The following SYNE2 variants were observed in gnomAD, a reference collection of about 807,000 sequenced individuals.
SYNE2 encodes the protein nesprin-2.
In SYNE2, 431 loss-of-function variants were observed where a neutral mutation model predicts 856.3. The ratio of observed to expected loss-of-function variants is 0.50; its 90% CI spans 0.47 to 0.55. The LOEUF (loss-of-function observed/expected upper bound fraction) is 0.55. Ranked by LOEUF, SYNE2 falls within the 20% of genes least tolerant of loss-of-function variation. The pLI, the probability that SYNE2 is intolerant of heterozygous loss-of-function variation, is 0.00. For synonymous variants in SYNE2, 2,923 were observed against 2,872.3 expected, an observed-to-expected ratio of 1.02 and a Z score of -0.56; for missense variants, 8,129 against 8,023.2, an observed-to-expected ratio of 1.01 and a Z score of -0.50.
In SYNE2 at chr14:64,053,097, A is replaced by G; in HGVS notation, c.9184A>G (p.Ile3062Val). ...TAAAATGAGAGCTATTGATTTGCAA[A>G]TTAAGAAAATGACTGAAGTAGTACT... is the stretch of plus-strand genomic sequence containing the variant. The part of the protein sequence containing the change: ...LSKMRAIDLQ[I>V]KKMTEVVLKA... The change falls in exon 48 of 116, where the codon ATT (isoleucine) becomes GTT (valine). Residue 3062 changes from isoleucine (I) to valine (V), a missense_variant. Around this residue, in one of 3 missense-constraint regions of SYNE2, gnomAD observed 5,410 missense variants for 5,284.8 expected, o/e 1.02. Coordinates refer to ENST00000555002, the MANE Select transcript of SYNE2 (RefSeq NM_182914.3). 6.2e-7 allele frequency: 1 copy of G among 1,614,092 alleles called. No homozygotes were observed. The highest frequency in any genetic ancestry group is 1.7e-5 in the Admixed American group (1 of 60,028).
In SYNE2 at chr14:63,819,682, G is replaced by A. The variant is rs990540319; in HGVS notation, c.-304-32819G>A. On this transcript the variant is annotated intron_variant, in intron 1 of 23. Coordinates refer to the SYNE2 transcript ENST00000674003. Reference sequence around the variant, plus strand: ...CTCCCAAGTAGCTGGGACTACAGGCGCCCGCCACCATGCCTGGCTAATTTT... The same window carrying A: ...CTCCCAAGTAGCTGGGACTACAGGCACCCGCCACCATGCCTGGCTAATTTT... Among the ~76,000 whole-genome samples the A allele has an allele frequency of 7.2e-5, 11 of 151,886 alleles. No individual in the cohort carries two copies. The East Asian group carries it at 1.4e-3, about 19-fold the overall frequency.
intron 6 of SYNE2, among the ~76,000 whole-genome samples, chr14:63,944,039 T>A: frequency 6.7e-6 from 1 of 150,320 alleles, no homozygotes; most frequent in Non-Finnish European, 1.5e-5. Context: ...TTCATGGTCA[T>A]TTATTATTTT....
Position 64,015,860 on chromosome 14 carries a change from G to T in SYNE2, c.4729-613G>T, listed in dbSNP as rs201613560. On this transcript the variant is annotated intron_variant, in intron 32 of 115. Coordinates refer to ENST00000555002, the MANE Select transcript of SYNE2 (RefSeq NM_182914.3). Reference sequence around the variant, plus strand: ...TCCCTCTCAGCAATACTTTGACTGTGCTATACAAGTTTTCATGTTTTATTT... The same window carrying T: ...TCCCTCTCAGCAATACTTTGACTGTTCTATACAAGTTTTCATGTTTTATTT... Among the ~76,000 whole-genome samples the T allele has an allele frequency of 3.7e-4, 56 of 152,048 alleles. 1 individual carries two copies. Among genetic ancestry groups the T allele is most frequent in the Admixed American group, 3.4e-3 (52 of 15,274 alleles).
intron 70 of SYNE2, among the ~76,000 whole-genome samples, chr14:64,124,862 G>C (rs1183291537): frequency 6.6e-6 from 1 of 152,086 alleles, no homozygotes; most frequent in East Asian, 1.9e-4. Context: ...AATTAGCCGG[G>C]CATGGTGGCA....
intron 96 of SYNE2, among the ~76,000 whole-genome samples, chr14:64,180,008 T>A (rs2098450836): frequency 6.6e-6 from 1 of 152,250 alleles, no homozygotes; most frequent in Non-Finnish European, 1.5e-5. Flanking sequence ...AGTTTTTGAT[T>A]TTCACATTCA....
At chr14:63,846,733 A>C (rs1890239262) in intron 1 of SYNE2, among the ~76,000 whole-genome samples, 1 of 151,906 alleles carries the variant, frequency 6.6e-6, no homozygotes, top group African/African-American at 2.4e-5. Context: ...AGTAGCTGGG[A>C]CTACAGGCAT....
At position 63,771,477 on chromosome 14, in the gene SYNE2, T is replaced by A. The variant is rs373396578; in HGVS notation, c.-305+9491T>A. On this transcript the variant is annotated intron_variant, in intron 1 of 23. Coordinates refer to the SYNE2 transcript ENST00000674003. ...ATTTCTAATCCAGCAATTTCACTCCTATGTATTTACCTTAGAGAAACTTTG... is the reference window on the plus strand; with the variant it reads ...ATTTCTAATCCAGCAATTTCACTCCAATGTATTTACCTTAGAGAAACTTTG... 7.2e-5 allele frequency among the ~76,000 whole-genome samples: 11 copies of A among 152,350 alleles called. No homozygotes were observed. The East Asian group carries it at 1.9e-3, about 27-fold the overall frequency.
At chr14:64,137,348 C>T (rs138206447) in intron 78 of SYNE2, among the ~76,000 whole-genome samples, 198 of 152,198 alleles carry the variant, frequency 1.3e-3, no homozygotes, top group African/African-American at 4.1e-3. Flanking sequence ...TACAGGTGTG[C>T]GCCACCAAGT....
At chr14:63,967,610 C>A in intron 10 of SYNE2, 99 bp from the exon 11 acceptor site, 1 of 1,322,370 alleles carries the variant, frequency 7.6e-7, no homozygotes, top group Non-Finnish European at 1.0e-6. Context: ...TAAGTAAAAA[C>A]TTAAATATAT....
At chr14:64,045,040 C>T (rs891448785) in intron 45 of SYNE2, among the ~76,000 whole-genome samples, 7 of 152,072 alleles carry the variant, frequency 4.6e-5, no homozygotes, top group South Asian at 2.1e-4. Context: ...GAGCCAAGGA[C>T]GCCTGCTGAT....
intron 25 of SYNE2, 110 bp downstream of exon 25, chr14:63,997,501 T>G: frequency 2.1e-6 from 2 of 945,600 alleles, no homozygotes; most frequent in Non-Finnish European, 3.3e-6. Flanking sequence ...TCGATTGTTT[T>G]TATCAATGGA....
chr14:63,787,976 C>T (rs1029947263), intron 1 of SYNE2, among the ~76,000 whole-genome samples: 8 of 152,192 alleles, frequency 5.3e-5, no homozygotes, highest in South Asian at 2.1e-4. Flanking sequence ...AGTGCCAAGC[C>T]GCCCTCAGCC....
chr14:64,100,531 A>AAATATATAT (rs1491537041), intron 63 of SYNE2, among the ~76,000 whole-genome samples: 40 of 39,454 alleles, frequency 1.0e-3, no homozygotes, highest in Non-Finnish European at 1.6e-3. Flanking sequence ...AAAAAAAAAA[A>AAATATATAT]ATATATATAT....
rs746820797 is a variant in SYNE2, at chr14:64,021,426, G to C, written c.5263G>C (p.Asp1755His). The C allele has an allele frequency of 1.2e-6, 2 of 1,614,118 alleles. No individual in the cohort carries two copies. Among genetic ancestry groups the C allele is most frequent in the South Asian group, 2.2e-5 (2 of 91,068 alleles). Residue 1755 changes from aspartate to histidine, a missense_variant, in exon 36 of 116, where the codon GAC (aspartate) becomes CAC (histidine). Physicochemically the swap from Asp to His is moderately conservative, Grantham distance 81. Transcript: ENST00000555002. ...CACTGCTGAGCTAAGGGAGGATCTC[G>C]ACCAAGCCAAGACCCAGATCGGGAT... is the stretch of plus-strand genomic sequence containing the variant. Reference protein sequence around the residue: ...GSTAELREDLDQAKTQIGMTE... With the variant: ...GSTAELREDLHQAKTQIGMTE...
At chr14:63,989,599 A>G (rs1293980035) in intron 19 of SYNE2, among the ~76,000 whole-genome samples, 1 of 151,906 alleles carries the variant, frequency 6.6e-6, no homozygotes, top group Non-Finnish European at 1.5e-5. Context: ...CAGCCTCCCA[A>G]AGTGCTGGTA....
In SYNE2 at chr14:63,769,789, C is replaced by T. The variant is rs1386054249; in HGVS notation, c.-305+7803C>T. 3.3e-5 allele frequency among the ~76,000 whole-genome samples: 5 copies of T among 150,354 alleles called. No individual in the cohort carries two copies. The South Asian group carries it at 6.3e-4, about 19-fold the overall frequency. Reference sequence around the variant, plus strand: ...TGGCATGCACCTGTGGTCCCAGTTACTCAGGAGGCTGAGGCGGGAGGATCA... The same window carrying T: ...TGGCATGCACCTGTGGTCCCAGTTATTCAGGAGGCTGAGGCGGGAGGATCA... On this transcript the variant is annotated intron_variant, in intron 1 of 23. Transcript: ENST00000674003.
chr14:63,920,969 G>A (rs2095593522), intron 2 of SYNE2, among the ~76,000 whole-genome samples: 1 of 152,020 alleles, frequency 6.6e-6, no homozygotes, highest in Admixed American at 6.6e-5. Context: ...ACAAAAATTA[G>A]CTGGGCGTGT....
chr14:64,141,808 G>GTTTGTTT, intron 81 of SYNE2, 134 bp from the exon 82 acceptor site: 1 of 1,216,966 alleles, frequency 8.2e-7, no homozygotes, highest in Non-Finnish European at 1.1e-6. Flanking sequence ...TGAATGCTGG[G>GTTTGTTT]TTTGTTTTTT....
intron 84 of SYNE2, among the ~76,000 whole-genome samples, chr14:64,149,370 T>C (rs1236611813): frequency 6.6e-6 from 1 of 152,152 alleles, no homozygotes; most frequent in African/African-American, 2.4e-5. Flanking sequence ...TAATGACTTA[T>C]CCCAGGGCAG....
Sources: gnomAD v4.1 joint callset for allele counts (sites outside exome capture counted in the v4.1 genomes callset) on GRCh38, gnomAD v4.1.1 for gene constraint, gnomAD v4.1.1 regional missense constraint, MANE v1.5 for transcripts, NCBI Gene and HGNC (gene_info 2026-07-23, HGNC 2026-07-21) for gene names.